The following BAG4 variants were observed in gnomAD, a reference collection of about 807,000 sequenced individuals.
BAG4 encodes the protein BAG family molecular chaperone regulator 4.
BAG4 carries 28 observed loss-of-function variants against 52.1 expected under a neutral mutation model. The ratio of observed to expected loss-of-function variants is 0.54; its 90% confidence interval spans 0.40 to 0.74. The LOEUF (loss-of-function observed/expected upper bound fraction) is 0.74. BAG4 is among the 30% of genes least tolerant of loss of function. BAG4 has a pLI of 0.00. For synonymous variants in BAG4, 208 were observed against 217.0 expected (o/e 0.96, Z 0.37); for missense variants, 525 against 572.0 (o/e 0.92, Z 0.84).
intron 1 of BAG4, among the ~76,000 whole-genome samples, chr8:38,190,669 T>C (rs905354249): frequency 2.0e-5 from 3 of 151,382 alleles, no homozygotes; most frequent in African/African-American, 7.3e-5. Flanking sequence ...ACTCCTGGTC[T>C]CTGGCCCCAA....
chr8:38,207,097 C>T (rs1412895001), intron 2 of BAG4, among the ~76,000 whole-genome samples: 2 of 151,890 alleles, frequency 1.3e-5, no homozygotes, highest in African/African-American at 4.8e-5. Context: ...GGATTACAGG[C>T]GCCTGCCACC....
intron 1 of BAG4, among the ~76,000 whole-genome samples, chr8:38,191,760 C>CAAAAAAAAAAAAAA (rs35851034): frequency 1.4e-5 from 1 of 72,624 alleles, no homozygotes; most frequent in Admixed American, 1.6e-4. Context: ...AACTCTGTCT[C>CAAAAAAAAAAAAAA]AAAAAAAAAA....
At chr8:38,198,107 G>A (rs552582591) in intron 2 of BAG4, among the ~76,000 whole-genome samples, 16 of 151,834 alleles carry the variant, frequency 1.1e-4, no homozygotes, top group African/African-American at 2.2e-4. Context: ...CCTTGGGGCC[G>A]GGCGCGGTGG....
chr8:38,176,962 C>G lies in BAG4; in HGVS notation c.93C>G (p.His31Gln). Residue 31 changes from histidine to glutamine, a missense_variant, in exon 1 of 5, where the codon CAC becomes CAG. Coordinates refer to ENST00000287322, the MANE Select transcript of BAG4 (RefSeq NM_004874.4). ...CTGGGGGTGGAGATGTGCCGGTACACCCACCTCCACCCTTATATCCTCTTC... is the reference window on the plus strand; with the variant it reads ...CTGGGGGTGGAGATGTGCCGGTACAGCCACCTCCACCCTTATATCCTCTTC... The part of the protein sequence containing the change: ...YGPGGGDVPV[H>Q]PPPPLYPLRP... 6.4e-7 allele frequency: 1 copy of G among 1,568,698 alleles called. No homozygotes were observed. Among genetic ancestry groups the G allele is most frequent in the Non-Finnish European group, 8.6e-7 (1 of 1,157,022 alleles).
At chr8:38,185,820 C>T (rs931467611) in intron 1 of BAG4, among the ~76,000 whole-genome samples, 6 of 152,212 alleles carry the variant, frequency 3.9e-5, no homozygotes, top group South Asian at 4.1e-4. Context: ...GCCTTGGCCT[C>T]CCAGAGTTCT....
At chr8:38,209,984 C>A (rs1413994870) in intron 4 of BAG4, 24 bp from the exon 5 acceptor site, 7 of 1,602,344 alleles carry the variant, frequency 4.4e-6, no homozygotes, top group Non-Finnish European at 6.0e-6. Flanking sequence ...AGCTCTTTTC[C>A]TCTTTTTGCT....
Position 38,210,175 on chromosome 8 carries a change from C to A in BAG4, c.1056C>A (p.Thr352=). The change falls in exon 5 of 5, where the codon ACC becomes ACA. Residue 352 remains threonine (T), a synonymous_variant. Coordinates refer to ENST00000287322, the MANE Select transcript of BAG4 (RefSeq NM_004874.4). ...AGCCTCAGCTGTATGGTAATGCCAC[C>A]AGTGACCATCCCAACAATCAAGATC... ...SAEPQLYGNA[T]SDHPNNQDQS... 6.2e-7 allele frequency: 1 copy of A among 1,614,070 alleles called. No individual in the cohort carries two copies. Among genetic ancestry groups the A allele is most frequent in the African/African-American group, 1.3e-5 (1 of 74,998 alleles).
rs1275440435 is a variant in BAG4 at position 38,192,743 on chromosome 8, C to T, written c.326C>T (p.Ser109Phe). 2 of 1,613,736 alleles carry T rather than the reference C, an allele frequency of 1.2e-6. No individual in the cohort carries two copies. The highest frequency in any genetic ancestry group is 2.2e-5 in the East Asian group (1 of 44,856). ...NSNYWNSTAR[S>F]RAPYPSTYPV... Reference sequence around the variant, plus strand: ...AACTATTGGAATTCTACTGCGAGATCTAGGGCTCCTTACCCAAGTACATAT... The same window carrying T: ...AACTATTGGAATTCTACTGCGAGATTTAGGGCTCCTTACCCAAGTACATAT... The change falls in exon 2 of 5, where the codon TCT becomes TTT. Residue 109 changes from serine (S) to phenylalanine (F), a missense_variant. Ser to Phe is a radical substitution (Grantham distance 155). This residue lies in a region of BAG4 where 287 missense variants were observed against 266.1 expected (regional missense o/e 1.08). Transcript: ENST00000287322.
At chr8:38,179,727 TTCCAC>T (rs1803232277) in intron 1 of BAG4, among the ~76,000 whole-genome samples, 1 of 151,608 alleles carries the variant, frequency 6.6e-6, no homozygotes, top group African/African-American at 2.4e-5. Context: ...GATCACACCA[TTCCAC>T]TCTAGCCTGG....
intron 1 of BAG4, among the ~76,000 whole-genome samples, chr8:38,180,392 G>A (rs1053203573): frequency 3.3e-5 from 5 of 151,716 alleles, no homozygotes; most frequent in South Asian, 2.1e-4. Flanking sequence ...GCATGGTGGC[G>A]CATGCCTGTA....
rs1803167702 is a variant in BAG4 at position 38,176,983 on chromosome 8, T to C, written c.114T>C (p.Pro38=). 3 of 1,586,914 alleles carry C rather than the reference T, an allele frequency of 1.9e-6. No individual in the cohort carries two copies. Among genetic ancestry groups the C allele is most frequent in the Non-Finnish European group, 1.7e-6 (2 of 1,166,852 alleles). ...TACACCCACCTCCACCCTTATATCC[T>C]CTTCGCCCTGAACCTCCCCAGCCTC... The part of the protein sequence containing the change: ...VPVHPPPPLY[P]LRPEPPQPPI... The change falls in exon 1 of 5, where the codon CCT becomes CCC. Residue 38 remains proline, a synonymous_variant. Coordinates refer to ENST00000287322, the MANE Select transcript of BAG4 (RefSeq NM_004874.4).
intron 1 of BAG4, among the ~76,000 whole-genome samples, chr8:38,191,379 TCA>T (rs1308828800): frequency 6.6e-6 from 1 of 152,222 alleles, no homozygotes; most frequent in African/African-American, 2.4e-5. Context: ...TGATAATCTC[TCA>T]GTTATTTCAG....
chr8:38,184,285 G>A (rs1803324678), intron 1 of BAG4, among the ~76,000 whole-genome samples: 1 of 151,786 alleles, frequency 6.6e-6, no homozygotes, highest in Non-Finnish European at 1.5e-5. Flanking sequence ...TGGGCAACAT[G>A]GCAAAATCCT....
At position 38,177,153 on chromosome 8, in the gene BAG4, C is replaced by G. The variant is rs766057908; in HGVS notation, c.270+14C>G. 5 of 1,610,102 alleles carry G rather than the reference C, an allele frequency of 3.1e-6. 1 individual carries two copies. The Admixed American group carries it at 8.5e-5, about 27-fold the overall frequency. On this transcript the variant is annotated intron_variant, in intron 1 of 4. Transcript: ENST00000287322. Reference sequence around the variant, plus strand: ...GGAAGCCACCAGGTAAGCTTTGCACCCTCTGTCCTTGCGGGGAGGTGAGGG... The same window carrying G: ...GGAAGCCACCAGGTAAGCTTTGCACGCTCTGTCCTTGCGGGGAGGTGAGGG...
At chr8:38,194,958 C>T (rs1166590459) in intron 2 of BAG4, among the ~76,000 whole-genome samples, 1 of 147,372 alleles carries the variant, frequency 6.8e-6, no homozygotes, top group African/African-American at 2.5e-5. Context: ...GGGTTCACGC[C>T]ATTCTGCTGC....
Position 38,210,667 on chromosome 8 carries a change from A to G in BAG4, c.*174A>G, listed in dbSNP as rs758597761. The G allele has an allele frequency of 9.5e-6, 8 of 839,620 alleles. No homozygotes were observed. The highest frequency in any genetic ancestry group is 1.4e-5 in the Non-Finnish European group (8 of 588,852). 52.0% of individuals were successfully genotyped at this position (839,620 alleles called of 1,614,324 possible). A position where few individuals can be genotyped will look rare whatever the true frequency, so the allele number is the denominator to read the frequency against. ...GGAATGGAAGAATATTTTAGTCATG[A>G]GTTGTTTTCAGTTTTCAGACGAATG... On this transcript the variant is annotated 3_prime_UTR_variant, in exon 5 of 5. Coordinates refer to ENST00000287322, the MANE Select transcript of BAG4 (RefSeq NM_004874.4).
chr8:38,182,565 G>C (rs574261368), intron 1 of BAG4, among the ~76,000 whole-genome samples: 1 of 152,108 alleles, frequency 6.6e-6, no homozygotes, highest in South Asian at 2.1e-4. Flanking sequence ...ATTGTGGCTT[G>C]TGAAAACATT....
At chr8:38,207,482 C>G (rs373385542) in intron 2 of BAG4, 30 bp from the exon 3 acceptor site, 3 of 1,598,772 alleles carry the variant, frequency 1.9e-6, no homozygotes, top group Non-Finnish European at 2.6e-6. Flanking sequence ...ACTAATTCAT[C>G]TTTTTTTCAC....
At chr8:38,180,522 C>CAAAAAAAAAAAAAA (rs1161178024) in intron 1 of BAG4, among the ~76,000 whole-genome samples, 332 of 26,478 alleles carry the variant, frequency 0.013, 49 homozygotes, top group Middle Eastern at 0.02. Context: ...GACTCCGTCT[C>CAAAAAAAAAAAAAA]AAAAAAAAAA....
Sources: gnomAD v4.1 joint callset for allele counts (sites outside exome capture counted in the v4.1 genomes callset) on GRCh38, gnomAD v4.1.1 for gene constraint, gnomAD v4.1.1 regional missense constraint, MANE v1.5 for transcripts, NCBI Gene and HGNC (gene_info 2026-07-23, HGNC 2026-07-21) for gene names.